SLC39A11: variants seen among roughly 807,000 people sequenced by gnomAD.
The protein encoded by SLC39A11 is zinc transporter ZIP11.
A neutral mutation model predicts 36.1 loss-of-function variants in SLC39A11; 33 were observed. The ratio of observed to expected loss-of-function variants is 0.91; its 90% confidence interval spans 0.69 to 1.22. The LOEUF (loss-of-function observed/expected upper bound fraction) is 1.22, where lower values mean the gene tolerates loss of function less well. SLC39A11 is among the 50% of genes most tolerant of loss of function. SLC39A11 has a pLI of 0.00. For missense variants in SLC39A11, 432 were observed against 430.3 expected, an observed-to-expected ratio of 1.00 and a Z score of -0.03; for synonymous variants, 166 against 170.3, an observed-to-expected ratio of 0.97 and a Z score of 0.20.
intron 4 of SLC39A11, among the ~76,000 whole-genome samples, chr17:72,977,073 G>T (rs1226816531): frequency 6.6e-6 from 1 of 152,110 alleles, no homozygotes; most frequent in Non-Finnish European, 1.5e-5. Flanking sequence ...TACCCGGTTG[G>T]GCCTGACCTA....
intron 7 of SLC39A11, among the ~76,000 whole-genome samples, chr17:72,662,917 C>T (rs113617185): frequency 1.3e-5 from 2 of 152,316 alleles, no homozygotes; most frequent in African/African-American, 2.4e-5. Flanking sequence ...GGAAACCATG[C>T]AAGTGCCCCT....
intron 7 of SLC39A11, among the ~76,000 whole-genome samples, chr17:72,693,639 C>T (rs115672970): frequency 0.014 from 2,119 of 152,274 alleles, 44 homozygotes; most frequent in African/African-American, 0.046. Flanking sequence ...GACCCACAGC[C>T]AAGGAAACAG....
At chr17:72,694,710 C>T (rs1045803170) in intron 7 of SLC39A11, among the ~76,000 whole-genome samples, 3 of 152,184 alleles carry the variant, frequency 2.0e-5, no homozygotes, top group African/African-American at 2.4e-5. Flanking sequence ...CCTCAGGGTC[C>T]GTCTACCACA....
chr17:72,886,462 A>C (rs919528563), intron 5 of SLC39A11, among the ~76,000 whole-genome samples: 3 of 152,094 alleles, frequency 2.0e-5, no homozygotes, highest in Non-Finnish European at 4.4e-5. Context: ...CTTCTCTCAG[A>C]GTCCTTACCT....
Position 73,026,534 on chromosome 17 carries a change from A to AG in SLC39A11, c.306+5021dup, listed in dbSNP as rs1555683344. ...AACTACATCAAAAAAAAAAAAAAAAAGAAAGAAAGAAAGAAAAGAGAAGAC... is the reference window on the plus strand; with the variant it reads ...AACTACATCAAAAAAAAAAAAAAAAAGGAAAGAAAGAAAGAAAAGAGAAGAC... On this transcript the variant is annotated intron_variant, in intron 4 of 9. Coordinates refer to ENST00000255559, the MANE Select transcript of SLC39A11 (RefSeq NM_139177.4). Among the ~76,000 whole-genome samples, 1,296 of 148,288 alleles carry AG rather than the reference A, an allele frequency of 8.7e-3. 15 individuals are homozygous for AG. Among genetic ancestry groups the AG allele is most frequent in the African/African-American group, 0.027 (1,093 of 40,070 alleles).
At chr17:72,730,911 C>T (rs1173648750) in intron 7 of SLC39A11, among the ~76,000 whole-genome samples, 6 of 152,102 alleles carry the variant, frequency 3.9e-5, no homozygotes, top group South Asian at 2.1e-4. Context: ...CCACCACGTC[C>T]GGCGAATTTT....
chr17:73,044,143 C>T (rs2059194905), intron 3 of SLC39A11, among the ~76,000 whole-genome samples: 1 of 151,472 alleles, frequency 6.6e-6, no homozygotes. Flanking sequence ...AGTACTTTTG[C>T]TTAAATAAGA....
intron 3 of SLC39A11, among the ~76,000 whole-genome samples, chr17:73,069,541 C>T (rs1289636164): frequency 6.6e-6 from 1 of 152,234 alleles, no homozygotes; most frequent in Non-Finnish European, 1.5e-5. Flanking sequence ...TCTAAAATTA[C>T]ACAGGCCCTT....
At chr17:72,746,733 G>A (rs1025041308) in intron 6 of SLC39A11, among the ~76,000 whole-genome samples, 9 of 151,434 alleles carry the variant, frequency 5.9e-5, no homozygotes, top group South Asian at 2.1e-4. Context: ...GCAAGACTCC[G>A]TCTCAAAATA....
intron 5 of SLC39A11, among the ~76,000 whole-genome samples, chr17:72,904,070 C>A (rs1598355229): frequency 6.6e-6 from 1 of 152,186 alleles, no homozygotes; most frequent in African/African-American, 2.4e-5. Flanking sequence ...CCTCCTTCCT[C>A]AGTAGTCATT....
chr17:73,031,794 G>T, intron 3 of SLC39A11, 80 bp from the exon 4 acceptor site: 1 of 1,428,550 alleles, frequency 7.0e-7, no homozygotes, highest in Non-Finnish European at 9.6e-7. Context: ...GCTCTCTGTG[G>T]CCCAGATTGA....
intron 4 of SLC39A11, among the ~76,000 whole-genome samples, chr17:72,952,466 T>C (rs2085931732): frequency 6.6e-6 from 1 of 152,074 alleles, no homozygotes; most frequent in Admixed American, 6.6e-5. Context: ...ATGCCCCGCA[T>C]ATCCCCCACC....
At chr17:72,928,778 C>A (rs896879952) in intron 5 of SLC39A11, among the ~76,000 whole-genome samples, 1 of 152,166 alleles carries the variant, frequency 6.6e-6, no homozygotes, top group Non-Finnish European at 1.5e-5. Context: ...AAGGGAAGTG[C>A]GTGCCTCTGG....
intron 6 of SLC39A11, among the ~76,000 whole-genome samples, chr17:72,763,378 T>C (rs1001360945): frequency 2.0e-5 from 3 of 152,182 alleles, no homozygotes; most frequent in Non-Finnish European, 4.4e-5. Context: ...GTTTTAGAAA[T>C]CTTAAATACT....
At chr17:72,729,457 A>ATATATTTTTTTTTTT (rs1555650680) in intron 7 of SLC39A11, among the ~76,000 whole-genome samples, 1 of 7,242 alleles carries the variant, frequency 1.4e-4, no homozygotes, top group Admixed American at 3.3e-3. Flanking sequence ...ATATATATAT[A>ATATATTTTTTTTTTT]TTTTTTTTTT....
intron 7 of SLC39A11, among the ~76,000 whole-genome samples, chr17:72,651,686 C>A (rs1188522663): frequency 6.6e-6 from 1 of 152,124 alleles, no homozygotes; most frequent in Non-Finnish European, 1.5e-5. Context: ...AAGCAGCTTC[C>A]CCAGGGGGCA....
intron 5 of SLC39A11, among the ~76,000 whole-genome samples, chr17:72,914,902 G>A (rs11869306): frequency 0.14 from 21,325 of 151,492 alleles, 1,828 homozygotes; most frequent in Non-Finnish European, 0.2. Context: ...GAATATCTGT[G>A]CCTTTTGTTT....
chr17:72,776,398 T>C (rs1404065877), intron 6 of SLC39A11, among the ~76,000 whole-genome samples: 1 of 152,214 alleles, frequency 6.6e-6, no homozygotes, highest in Non-Finnish European at 1.5e-5. Context: ...CTTTCCAGTA[T>C]TGGCCTTGAA....
chr17:72,947,798 C>T lies in SLC39A11; in HGVS notation c.384G>A (p.Glu128=). 1 of 1,614,194 alleles carries T rather than the reference C, an allele frequency of 6.2e-7. No homozygotes were observed. Among genetic ancestry groups the T allele is most frequent in the Non-Finnish European group, 8.5e-7 (1 of 1,180,044 alleles). ...TCTCAGGGAAGAGCAGCGCGGGACC[C>T]TCAGGATCAGACTTCTTCTTCATCA... is the stretch of plus-strand genomic sequence containing the variant. ...STLMKKKSDP[E]GPALLFPESE... is the part of the protein sequence containing the mutation. Residue 128 remains glutamate, a synonymous_variant, in exon 5 of 10, where the codon GAG becomes GAA. Transcript: ENST00000255559.
Sources: allele counts gnomAD v4.1 joint callset (sites outside exome capture counted in the v4.1 genomes callset), GRCh38; gene constraint gnomAD v4.1.1; transcripts MANE v1.5; gene names NCBI Gene and HGNC (gene_info 2026-07-23, HGNC 2026-07-21).